The following GYPC variants were observed in gnomAD, a reference collection of about 807,000 sequenced individuals.
The protein encoded by GYPC is glycophorin C (Gerbich blood group), also known as glycophorin-C.
Under a neutral mutation model 12.6 loss-of-function variants are expected in GYPC, and 14 were observed. That is an observed-to-expected ratio of 1.11 (90% CI 0.74 to 1.74). GYPC has a LOEUF of 1.74. Ranked by LOEUF, GYPC falls within the 40% of genes most tolerant of loss-of-function variation. The pLI, the probability that GYPC is intolerant of heterozygous loss-of-function variation, is 0.00. For missense variants in GYPC, 225 were observed against 172.1 expected (o/e 1.31, Z -1.72); for synonymous variants, 78 against 62.1 (o/e 1.26, Z -1.20).
rs566276612 is a variant in GYPC, at chr2:126,677,216, T to C, written c.50-13039T>C. Among the ~76,000 whole-genome samples, 4 of 152,090 alleles carry C rather than the reference T, an allele frequency of 2.6e-5. No homozygotes were observed. In the East Asian group the frequency reaches 7.7e-4, roughly 29 times the overall value. On this transcript the variant is annotated intron_variant, in intron 1 of 3. Transcript: ENST00000259254. Reference sequence around the variant, plus strand: ...GAGTGTGTGTGTGCATGTGTGCCTGTGTGTGCATATGTGGGAGAGTGTGTG... The same window carrying C: ...GAGTGTGTGTGTGCATGTGTGCCTGCGTGTGCATATGTGGGAGAGTGTGTG...
intron 1 of GYPC, among the ~76,000 whole-genome samples, chr2:126,688,443 A>G (rs537001915): frequency 6.6e-6 from 1 of 152,322 alleles, no homozygotes; most frequent in South Asian, 2.1e-4. Flanking sequence ...TTGAGTACCT[A>G]CTATGAGCTA....
chr2:126,682,263 C>T lies in GYPC; in HGVS notation c.50-7992C>T, dbSNP rs553504061. Among the ~76,000 whole-genome samples, 5 of 152,036 alleles carry T rather than the reference C, an allele frequency of 3.3e-5. No homozygotes were observed. The South Asian group carries it at 6.2e-4, about 19-fold the overall frequency. On this transcript the variant is annotated intron_variant, in intron 1 of 3. Transcript: ENST00000259254. ...GGAGCTCAGCTATCCTTAAATCAAT[C>T]AGCAGTGGTCTGGTAGGTGGATCAG...
intron 1 of GYPC, among the ~76,000 whole-genome samples, chr2:126,672,409 A>C (rs546955416): frequency 6.6e-6 from 1 of 152,294 alleles, no homozygotes; most frequent in South Asian, 2.1e-4. Flanking sequence ...ACCTGCACAC[A>C]CACAAACACA....
intron 1 of GYPC, among the ~76,000 whole-genome samples, chr2:126,667,886 G>T (rs1487495879): frequency 6.6e-6 from 1 of 152,202 alleles, no homozygotes; most frequent in African/African-American, 2.4e-5. Context: ...TGCATGCAAG[G>T]TGCTGCACAG....
intron 1 of GYPC, among the ~76,000 whole-genome samples, chr2:126,666,377 C>T (rs770335320): frequency 8.5e-5 from 13 of 152,362 alleles, no homozygotes; most frequent in Non-Finnish European, 1.8e-4. Flanking sequence ...ATCATTGTCA[C>T]TGCATGACTG....
intron 1 of GYPC, among the ~76,000 whole-genome samples, chr2:126,659,072 G>A (rs747449050): frequency 8.2e-4 from 125 of 152,148 alleles, no homozygotes; most frequent in Non-Finnish European, 3.2e-4. Context: ...GGTTTCTCAT[G>A]CTCACAAATA....
intron 1 of GYPC, among the ~76,000 whole-genome samples, chr2:126,668,600 A>T (rs1682751172): frequency 6.6e-6 from 1 of 152,234 alleles, no homozygotes; most frequent in African/African-American, 2.4e-5. Flanking sequence ...AATGCTATCA[A>T]ACTTCAGAAG....
At chr2:126,677,442 T>A (rs1473771395) in intron 1 of GYPC, among the ~76,000 whole-genome samples, 1 of 77,528 alleles carries the variant, frequency 1.3e-5, no homozygotes, top group Non-Finnish European at 3.3e-5. Context: ...AGAGTAGGAG[T>A]GTGTGTGTAT....
intron 1 of GYPC, among the ~76,000 whole-genome samples, chr2:126,687,747 T>A (rs1020431067): frequency 2.0e-5 from 3 of 152,226 alleles, no homozygotes; most frequent in Admixed American, 1.3e-4. Flanking sequence ...GGTCTCCCAA[T>A]GAGGCCCCGA....
At chr2:126,669,423 C>T (rs1480911686) in intron 1 of GYPC, among the ~76,000 whole-genome samples, 3 of 152,086 alleles carry the variant, frequency 2.0e-5, no homozygotes, top group Non-Finnish European at 2.9e-5. Flanking sequence ...AATCCCTGCA[C>T]GGCACCACCC....
intron 1 of GYPC, among the ~76,000 whole-genome samples, chr2:126,681,327 A>G (rs1242097810): frequency 2.6e-5 from 4 of 152,190 alleles, no homozygotes; most frequent in African/African-American, 9.7e-5. Flanking sequence ...CCCTAACTGC[A>G]TAATACTGGG....
Position 126,696,666 on chromosome 2 carries a change from G to T in GYPC, c.*524G>T. 4.5e-6 allele frequency: 1 copy of T among 224,272 alleles called. No individual in the cohort carries two copies. The highest frequency in any genetic ancestry group is 8.9e-6 in the Non-Finnish European group (1 of 111,796). The allele number at this position is 224,272 out of a possible 1,614,324, so 13.9% of individuals were successfully genotyped here. On this transcript the variant is annotated 3_prime_UTR_variant, in exon 4 of 4. Coordinates refer to ENST00000259254, the MANE Select transcript of GYPC (RefSeq NM_002101.5). ...TTGGAAATAAATTTGAAATGTAACC[G>T]AGCATTCCGAGTCCAACAGTATTAC...
chr2:126,684,832 C>T (rs1164304151), intron 1 of GYPC, among the ~76,000 whole-genome samples: 1 of 152,156 alleles, frequency 6.6e-6, no homozygotes, highest in Non-Finnish European at 1.5e-5. Context: ...TCCCTAGCAC[C>T]TCGTCAATGC....
intron 1 of GYPC, chr2:126,686,667 G>A: frequency 3.0e-6 from 3 of 985,358 alleles, no homozygotes; most frequent in Non-Finnish European, 3.6e-6. Flanking sequence ...CAGGGGGCCG[G>A]GGGGACCTTG....
chr2:126,690,720 T>C (rs1436556735), intron 2 of GYPC, among the ~76,000 whole-genome samples: 6 of 152,008 alleles, frequency 3.9e-5, no homozygotes, highest in Non-Finnish European at 2.9e-5. Context: ...TCCCACATTA[T>C]TTTCTTCCCT....
intron 1 of GYPC, among the ~76,000 whole-genome samples, chr2:126,679,066 A>T (rs13398914): frequency 0.24 from 36,547 of 152,244 alleles, 4,976 homozygotes; most frequent in Non-Finnish European, 0.32. Context: ...GTAATTAAGT[A>T]CCTAATTATG....
chr2:126,673,460 C>G (rs1395867943), intron 1 of GYPC, among the ~76,000 whole-genome samples: 1 of 152,164 alleles, frequency 6.6e-6, no homozygotes, highest in Admixed American at 6.5e-5. Flanking sequence ...CCAGTGTGCT[C>G]TCGGGAGGAG....
At chr2:126,671,212 C>G (rs893974997) in intron 1 of GYPC, among the ~76,000 whole-genome samples, 2 of 152,196 alleles carry the variant, frequency 1.3e-5, no homozygotes, top group African/African-American at 4.8e-5. Flanking sequence ...CTCTTGTAGT[C>G]TTCCCCTCTC....
At chr2:126,667,405 C>CTT (rs1227420253) in intron 1 of GYPC, among the ~76,000 whole-genome samples, 7 of 138,224 alleles carry the variant, frequency 5.1e-5, no homozygotes, top group Admixed American at 7.2e-5. Context: ...TTTTTTTTTT[C>CTT]TTTTTTTTTT....
Sources: allele counts gnomAD v4.1 joint callset (sites outside exome capture counted in the v4.1 genomes callset), GRCh38; gene constraint gnomAD v4.1.1; transcripts MANE v1.5; gene names NCBI Gene and HGNC (gene_info 2026-07-23, HGNC 2026-07-21).